The following FLNB variants were observed in gnomAD, a reference collection of about 807,000 sequenced individuals.
FLNB encodes filamin-B.
FLNB carries 111 observed loss-of-function variants against 250.6 expected under a neutral mutation model. That is an observed-to-expected ratio of 0.44 (90% CI 0.38 to 0.52). FLNB has a LOEUF of 0.52. FLNB is among the 20% of genes least tolerant of loss of function. The pLI, the probability that FLNB is intolerant of heterozygous loss-of-function variation, is 0.00. For synonymous variants in FLNB, 1,302 were observed against 1,372.1 expected (o/e 0.95, Z 1.13); for missense variants, 2,869 against 3,447.8 (o/e 0.83, Z 4.20).
rs769707810 is a variant in FLNB, at chr3:58,104,091, G to T, written c.1610+6G>T. 3 of 1,613,606 alleles carry T rather than the reference G, an allele frequency of 1.9e-6. No homozygotes were observed. The highest frequency in any genetic ancestry group is 2.2e-5 in the South Asian group (2 of 91,044). Reference sequence around the variant, plus strand: ...GGACACCACATTCCAAAGAGGTGAGGCTCCTGCTGCAGAGGGGTCTTCTCT... The same window carrying T: ...GGACACCACATTCCAAAGAGGTGAGTCTCCTGCTGCAGAGGGGTCTTCTCT... On this transcript the variant is annotated splice_donor_region_variant and intron_variant, in intron 10 of 45. Transcript: ENST00000295956.
chr3:58,145,681 G>C (rs1249210409), intron 32 of FLNB, among the ~76,000 whole-genome samples: 1 of 152,182 alleles, frequency 6.6e-6, no homozygotes, highest in Non-Finnish European at 1.5e-5. Context: ...CTCATCTGGA[G>C]CAGCTTCCAG....
Position 58,082,841 on chromosome 3 carries a change from A to G in FLNB, c.787+1065A>G, listed in dbSNP as rs537457539. 3.3e-5 allele frequency among the ~76,000 whole-genome samples: 5 copies of G among 151,564 alleles called. No homozygotes were observed. The South Asian group carries it at 1.0e-3, about 32-fold the overall frequency. Reference sequence around the variant, plus strand: ...AATAGTTATACACACAGTATTCTGTATATCTTCTCCCAGAATTGACAGTTG... The same window carrying G: ...AATAGTTATACACACAGTATTCTGTGTATCTTCTCCCAGAATTGACAGTTG... On this transcript the variant is annotated intron_variant, in intron 4 of 45. Coordinates refer to ENST00000295956, the MANE Select transcript of FLNB (RefSeq NM_001457.4).
At chr3:58,124,204 G>A in intron 21 of FLNB, 128 bp from the exon 22 acceptor site, 1 of 973,234 alleles carries the variant, frequency 1.0e-6, no homozygotes, top group Non-Finnish European at 1.6e-6. Context: ...TTGAGAGTTA[G>A]AAAAACCAGT....
intron 24 of FLNB, among the ~76,000 whole-genome samples, chr3:58,129,196 T>G (rs1010772930): frequency 2.6e-5 from 4 of 152,166 alleles, no homozygotes; most frequent in African/African-American, 9.7e-5. Flanking sequence ...TGATTTCCTG[T>G]GGTAGGCCAG....
At position 58,096,001 on chromosome 3, in the gene FLNB, G is replaced by T. The variant is rs2097237871; in HGVS notation, c.907-140G>T. ...GACTTCAAGCAGTTTCTCTCTAGGG[G>T]CGTTGTGCAAGAGGGACAGGAGCTC... is the stretch of plus-strand genomic sequence containing the variant. On this transcript the variant is annotated intron_variant, in intron 5 of 45. Coordinates refer to ENST00000295956, the MANE Select transcript of FLNB (RefSeq NM_001457.4). 4 of 703,736 alleles carry T rather than the reference G, an allele frequency of 5.7e-6. No individual in the cohort carries two copies. In the South Asian group the frequency reaches 6.1e-5, roughly 11 times the overall value. The allele number at this position is 703,736 out of a possible 1,614,324, so 43.6% of individuals were successfully genotyped here.
At chr3:58,073,649 G>A (rs989049257) in intron 1 of FLNB, among the ~76,000 whole-genome samples, 1 of 151,910 alleles carries the variant, frequency 6.6e-6, no homozygotes, top group Non-Finnish European at 1.5e-5. Flanking sequence ...GTTTCTGTGG[G>A]CCAGGAGTCC....
chr3:58,023,514 T>A (rs1030065261), intron 1 of FLNB, among the ~76,000 whole-genome samples: 10 of 152,246 alleles, frequency 6.6e-5, no homozygotes, highest in African/African-American at 2.4e-4. Context: ...TTTTAATGAA[T>A]CTTTTTCTAC....
chr3:58,139,456 G>A (rs13086014), intron 29 of FLNB, among the ~76,000 whole-genome samples: 13,200 of 152,240 alleles, frequency 0.087, 710 homozygotes, highest in Non-Finnish European at 0.11. Flanking sequence ...ATTTTGTGCA[G>A]CAATGGAGAG....
At chr3:58,023,469 A>T (rs1017655861) in intron 1 of FLNB, among the ~76,000 whole-genome samples, 17 of 152,250 alleles carry the variant, frequency 1.1e-4, no homozygotes, top group African/African-American at 4.1e-4. Context: ...GCAAGAACAC[A>T]GAAAAATATA....
intron 4 of FLNB, among the ~76,000 whole-genome samples, chr3:58,083,864 G>A (rs570539251): frequency 2.6e-5 from 4 of 152,260 alleles, no homozygotes; most frequent in African/African-American, 9.6e-5. Flanking sequence ...CCCATTCACA[G>A]TCACTTGAAG....
chr3:58,149,693 A>G, intron 36 of FLNB, 157 bp from the exon 37 acceptor site: 1 of 854,226 alleles, frequency 1.2e-6, no homozygotes, highest in Non-Finnish European at 1.9e-6. Flanking sequence ...TAACCTACTC[A>G]TCCCCCTCTG....
rs2097328497 is a variant in FLNB, at chr3:58,142,321, C to T, written c.5182-329C>T. On this transcript the variant is annotated intron_variant, in intron 30 of 45. Coordinates refer to ENST00000295956, the MANE Select transcript of FLNB (RefSeq NM_001457.4). The surrounding 1 kb of genome is among the most constrained non-coding windows in gnomAD (Gnocchi z 4.3). Reference sequence around the variant, plus strand: ...AAAATGCACCTTCTTTTCCAGGCCACAAGCAACTAAACCTTTCCAGATGGA... The same window carrying T: ...AAAATGCACCTTCTTTTCCAGGCCATAAGCAACTAAACCTTTCCAGATGGA... Among the ~76,000 whole-genome samples the T allele has an allele frequency of 6.6e-6, 1 of 152,240 alleles. No individual in the cohort carries two copies. The highest frequency in any genetic ancestry group is 1.5e-5 in the Non-Finnish European group (1 of 68,034).
At chr3:58,039,462 C>G (rs1277059596) in intron 1 of FLNB, among the ~76,000 whole-genome samples, 1 of 151,982 alleles carries the variant, frequency 6.6e-6, no homozygotes, top group African/African-American at 2.4e-5. Flanking sequence ...AAACTGATGC[C>G]CAGAGGTTCA....
At chr3:58,120,779 A>G (rs1380795331) in intron 19 of FLNB, among the ~76,000 whole-genome samples, 1 of 152,234 alleles carries the variant, frequency 6.6e-6, no homozygotes, top group East Asian at 1.9e-4. Flanking sequence ...GTGTCAGATT[A>G]CAACTTTCTG....
chr3:58,129,588 A>G (rs1346209027), intron 24 of FLNB, among the ~76,000 whole-genome samples: 1 of 152,208 alleles, frequency 6.6e-6, no homozygotes, highest in South Asian at 2.1e-4. Context: ...TATTTCACGT[A>G]GCTAAAGACC....
At chr3:58,134,563 T>A in intron 26 of FLNB, 53 bp from the exon 27 acceptor site, 1 of 1,606,178 alleles carries the variant, frequency 6.2e-7, no homozygotes. Context: ...CAGATGCAGC[T>A]GGGTTGACAT....
At chr3:58,071,465 G>A (rs2097194421) in intron 1 of FLNB, among the ~76,000 whole-genome samples, 1 of 151,746 alleles carries the variant, frequency 6.6e-6, no homozygotes, top group South Asian at 2.1e-4. Context: ...TTTGAGTAGA[G>A]ACAGGGTTTC....
chr3:58,040,002 G>A (rs1217956952), intron 1 of FLNB, among the ~76,000 whole-genome samples: 1 of 152,110 alleles, frequency 6.6e-6, no homozygotes, highest in East Asian at 1.9e-4. Context: ...AAAATTAGCT[G>A]GGTCTGATTG....
chr3:58,156,094 T>C lies in FLNB; in HGVS notation c.6888+19T>C. 1 of 1,590,560 alleles carries C rather than the reference T, an allele frequency of 6.3e-7. No individual in the cohort carries two copies. Among genetic ancestry groups the C allele is most frequent in the Non-Finnish European group, 8.6e-7 (1 of 1,158,570 alleles). On this transcript the variant is annotated intron_variant, in intron 41 of 45. Transcript: ENST00000295956. ...CCTTCAGGTGAGATGCAAGGAAGCATCCATCTCCTTGGCCGCAGGCCACCA... is the reference window on the plus strand; with the variant it reads ...CCTTCAGGTGAGATGCAAGGAAGCACCCATCTCCTTGGCCGCAGGCCACCA...
Sources: allele counts gnomAD v4.1 joint callset (sites outside exome capture counted in the v4.1 genomes callset), GRCh38; gene constraint gnomAD v4.1.1; non-coding constraint Gnocchi (gnomAD v3.1); transcripts MANE v1.5; gene names NCBI Gene and HGNC (gene_info 2026-07-23, HGNC 2026-07-21).